MICA: variants seen among roughly 807,000 people sequenced by gnomAD.
The protein encoded by MICA is MHC class I polypeptide-related sequence A.
A neutral mutation model predicts 34.3 loss-of-function variants in MICA; 18 were observed. The ratio of observed to expected loss-of-function variants is 0.52; its 90% CI spans 0.36 to 0.78. The LOEUF (loss-of-function observed/expected upper bound fraction) is 0.78, where lower values mean the gene tolerates loss of function less well. Among genes scored for constraint, MICA ranks in the 30% least tolerant of loss-of-function variants. MICA has a pLI of 0.00. For missense variants in MICA, 333 were observed against 409.4 expected, an observed-to-expected ratio of 0.81 and a Z score of 1.61; for synonymous variants, 135 against 156.9, an observed-to-expected ratio of 0.86 and a Z score of 1.04.
chr6:31,407,140 G>T (rs117246140), intron 1 of MICA, among the ~76,000 whole-genome samples: 5 of 151,778 alleles, frequency 3.3e-5, no homozygotes, highest in Non-Finnish European at 4.4e-5. Context: ...GATTACTTTG[G>T]GTAGTATGGA....
At chr6:31,404,765 C>T (rs2113724801) in intron 1 of MICA, among the ~76,000 whole-genome samples, 1 of 151,944 alleles carries the variant, frequency 6.6e-6, no homozygotes, top group East Asian at 1.9e-4. Context: ...AGCGCAGATG[C>T]CCCCTCCCCT....
chr6:31,401,722 G>C (rs1194119255), upstream of MICA, among the ~76,000 whole-genome samples: 1 of 150,804 alleles, frequency 6.6e-6, no homozygotes, highest in African/African-American at 2.4e-5. Context: ...TTCAAACCAC[G>C]GGCTAAATCA....
At position 31,411,913 on chromosome 6, in the gene MICA, C is replaced by G; in HGVS notation, c.614-34C>G. On this transcript the variant is annotated intron_variant, in intron 3 of 5. Transcript: ENST00000449934. The surrounding 1 kb of genome is among the most constrained non-coding windows in gnomAD (Gnocchi z 4.3). ...TTCCTCTCCCCTCCTTAGAGGGGAG[C>G]AGGGCTTCACTGGCTCTGCCCTTTC... is the stretch of plus-strand genomic sequence containing the variant. 3 of 1,594,974 alleles carry G rather than the reference C, an allele frequency of 1.9e-6. No homozygotes were observed. The highest frequency in any genetic ancestry group is 2.6e-6 in the Non-Finnish European group (3 of 1,170,922).
In MICA at chr6:31,412,359, A is replaced by G. The variant is rs1771234700; in HGVS notation, c.927A>G (p.Thr309=). Residue 309 remains threonine, a synonymous_variant, in exon 5 of 6, where the codon ACA becomes ACG. Coordinates refer to ENST00000449934, the MANE Select transcript of MICA (RefSeq NM_001177519.3). ...KVLVLQSHWQ[T]FHVSAVAAGC... ...TGGTGCTTCAGAGTCATTGGCAGAC[A>G]TTCCATGTTTCTGCTGTTGCTGCTG... The G allele has an allele frequency of 6.3e-7, 1 of 1,578,572 alleles. No individual in the cohort carries two copies.
intron 5 of MICA, among the ~76,000 whole-genome samples, chr6:31,412,825 G>A (rs1771278273): frequency 6.6e-6 from 1 of 151,866 alleles, no homozygotes; most frequent in African/African-American, 2.4e-5. Context: ...GATGATCACG[G>A]CCTCAGAGGG....
At chr6:31,403,439 C>A (rs1770555926), upstream of MICA, 1 of 525,430 alleles carries the variant, frequency 1.9e-6, no homozygotes, top group Non-Finnish European at 3.3e-6. The surrounding 1 kb of genome is among the most constrained non-coding windows in gnomAD (Gnocchi z 4.7). Context: ...TTCTAAATCT[C>A]CCCAGGTCTC....
At position 31,409,307 on chromosome 6, in the gene MICA, C is replaced by CTGTGTGTGTG. The variant is rs1491397090; in HGVS notation, c.71-1235_71-1234insGTGTGTGTGT. Among the ~76,000 whole-genome samples the CTGTGTGTGTG allele has an allele frequency of 3.8e-3, 419 of 110,090 alleles. 16 individuals are homozygous for CTGTGTGTGTG. In the East Asian group the frequency reaches 0.076, roughly 20 times the overall value. The allele number at this position is 110,090 out of a possible 152,430, so 72.2% of individuals were successfully genotyped here. On this transcript the variant is annotated intron_variant, in intron 1 of 5. Coordinates refer to ENST00000449934, the MANE Select transcript of MICA (RefSeq NM_001177519.3). Reference sequence around the variant, plus strand: ...TTTCTCTGTCTCTTTGCCAACCTTGCTCTGTGTGTGTGTGTATGTGTGTGT... The same window carrying CTGTGTGTGTG: ...TTTCTCTGTCTCTTTGCCAACCTTGCTGTGTGTGTGTCTGTGTGTGTGTGTATGTGTGTGT...
chr6:31,415,116 A>G lies in MICA; in HGVS notation c.*134A>G, dbSNP rs41545814. The G allele has an allele frequency of 0.022, 25,505 of 1,151,458 alleles. 661 individuals carry two copies. The highest frequency in any genetic ancestry group is 0.044 in the Admixed American group (2,513 of 57,686). The allele number at this position is 1,151,458 out of a possible 1,614,324, so 71.3% of individuals were successfully genotyped here. Reference sequence around the variant, plus strand: ...GCCTCTGATGTCAGCTCTTGGGTCCACTGGCTCCACTGAGGGCACCTAGAC... The same window carrying G: ...GCCTCTGATGTCAGCTCTTGGGTCCGCTGGCTCCACTGAGGGCACCTAGAC... On this transcript the variant is annotated 3_prime_UTR_variant, in exon 6 of 6. Coordinates refer to ENST00000449934, the MANE Select transcript of MICA (RefSeq NM_001177519.3).
At chr6:31,409,711 A>G (rs574294437) in intron 1 of MICA, among the ~76,000 whole-genome samples, 5 of 151,914 alleles carry the variant, frequency 3.3e-5, no homozygotes, top group South Asian at 2.1e-4. Flanking sequence ...ATTATCCCCA[A>G]TGTTTGCTTC....
At chr6:31,401,066 G>A (rs1770398489), upstream of MICA, among the ~76,000 whole-genome samples, 1 of 151,642 alleles carries the variant, frequency 6.6e-6, no homozygotes, top group African/African-American at 2.4e-5. Flanking sequence ...TCTTTTTTGG[G>A]GGCGAGCTGA....
chr6:31,412,098 T>C lies in MICA; in HGVS notation c.765T>C (p.Asp255=). 3.1e-6 allele frequency: 5 copies of C among 1,613,124 alleles called. No individual in the cohort carries two copies. The highest frequency in any genetic ancestry group is 4.2e-6 in the Non-Finnish European group (5 of 1,179,938). ...SLSHDTQQWG[D]VLPDGNGTYQ... is the part of the protein sequence containing the mutation. ...GCCACGACACCCAGCAGTGGGGGGA[T>C]GTCCTGCCTGATGGGAATGGAACCT... Residue 255 remains aspartate, a synonymous_variant, in exon 4 of 6, where the codon GAT becomes GAC. Transcript: ENST00000449934.
rs1063630 is a variant in MICA at position 31,410,581 on chromosome 6, T to A, written c.109T>A (p.Trp37Arg). The change falls in exon 2 of 6, where the codon TGG becomes AGG. Residue 37 changes from tryptophan to arginine, a missense_variant. Physicochemically the swap from Trp to Arg is moderately radical, Grantham distance 101. Transcript: ENST00000449934. ...SLRYNLTVLS[W>R]DGSVQSGFLA... ...TCGTTATAACCTCACGGTGCTGTCC[T>A]GGGATGGATCTGTGCAGTCAGGGTT... is the stretch of plus-strand genomic sequence containing the variant. The A allele has an allele frequency of 2.5e-6, 4 of 1,612,988 alleles. 1 individual carries two copies. The highest frequency in any genetic ancestry group is 2.2e-5 in the South Asian group (2 of 91,048).
chr6:31,410,661 A>G lies in MICA; in HGVS notation c.189A>G (p.Lys63=), dbSNP rs547681453. The G allele has an allele frequency of 4.3e-6, 7 of 1,613,648 alleles. 1 individual carries two copies. Among genetic ancestry groups the G allele is most frequent in the Admixed American group, 3.3e-5 (2 of 59,758 alleles). The part of the protein sequence containing the change: ...GQPFLRYDRQ[K]CRAKPQGQWA... ...CCTTCCTGCGCTATGACAGGCAGAA[A>G]TGCAGGGCAAAGCCCCAGGGACAGT... Residue 63 remains lysine (K), a synonymous_variant, in exon 2 of 6, where the codon AAA becomes AAG. Transcript: ENST00000449934.
chr6:31,406,175 A>G (rs1311359171), intron 1 of MICA, among the ~76,000 whole-genome samples: 2 of 151,674 alleles, frequency 1.3e-5, no homozygotes, highest in African/African-American at 2.4e-5. Flanking sequence ...AACAGTGTAC[A>G]TCCTCACCAG....
chr6:31,412,872 C>CGTT, intron 5 of MICA, among the ~76,000 whole-genome samples: 37 of 147,292 alleles, frequency 2.5e-4, no homozygotes, highest in African/African-American at 7.5e-4. Flanking sequence ...TGGGGAGGGC[C>CGTT]AGAAACTGGA....
At position 31,412,278 on chromosome 6, in the gene MICA, A is replaced by T. The variant is rs534650847; in HGVS notation, c.893-47A>T. 1.4e-4 allele frequency: 218 copies of T among 1,606,100 alleles called. 2 individuals are homozygous for T. The highest frequency in any genetic ancestry group is 5.0e-4 in the Middle Eastern group (3 of 6,028). ...TCAGGCCAGGGTAGGGACAGCAGGG[A>T]TGGCTGTGGCTCTCTGCCCAGTGTA... is the stretch of plus-strand genomic sequence containing the variant. On this transcript the variant is annotated intron_variant, in intron 4 of 5. Transcript: ENST00000449934.
chr6:31,410,895 A>T, intron 2 of MICA, 98 bp downstream of exon 2: 1 of 1,481,884 alleles, frequency 6.7e-7, no homozygotes, highest in East Asian at 2.5e-5. Context: ...GATCTGGCTC[A>T]GGCTGGGGGT....
Position 31,415,076 on chromosome 6 carries a change from A to G in MICA, c.*94A>G. ...GGACGAGTGACCACAGGGATGCCAC[A>G]CAGCTCGGATTTCAGCCTCTGATGT... On this transcript the variant is annotated 3_prime_UTR_variant, in exon 6 of 6. Coordinates refer to ENST00000449934, the MANE Select transcript of MICA (RefSeq NM_001177519.3). The G allele has an allele frequency of 7.4e-7, 1 of 1,354,386 alleles. No homozygotes were observed. Among genetic ancestry groups the G allele is most frequent in the Non-Finnish European group, 1.0e-6 (1 of 955,622 alleles). The allele number at this position is 1,354,386 out of a possible 1,614,324, so 83.9% of individuals were successfully genotyped here.
At chr6:31,413,709 C>T (rs72502585) in intron 5 of MICA, among the ~76,000 whole-genome samples, 36,540 of 149,998 alleles carry the variant, frequency 0.24, 5,370 homozygotes, top group African/African-American at 0.32. Context: ...GAGGCACCCA[C>T]AACAGGGGCA....
Sources: allele counts gnomAD v4.1 joint callset (sites outside exome capture counted in the v4.1 genomes callset), GRCh38; gene constraint gnomAD v4.1.1; non-coding constraint Gnocchi (gnomAD v3.1); transcripts MANE v1.5; gene names NCBI Gene and HGNC (gene_info 2026-07-23, HGNC 2026-07-21).